The following GOLM2 variants were observed in gnomAD, a reference collection of about 807,000 sequenced individuals.
The protein encoded by GOLM2 is protein GOLM2.
A neutral mutation model predicts 55.9 loss-of-function variants in GOLM2; 26 were observed. The observed-to-expected ratio is 0.47, with a 90% confidence interval of 0.34 to 0.65. The LOEUF is 0.65. Ranked by LOEUF, GOLM2 falls within the 30% of genes least tolerant of loss-of-function variation. The pLI, the probability that GOLM2 is intolerant of heterozygous loss-of-function variation, is 0.01. For missense variants in GOLM2, 486 were observed against 531.8 expected (o/e 0.91, Z 0.85); for synonymous variants, 165 against 194.6 (o/e 0.85, Z 1.27).
intron 6 of GOLM2, among the ~76,000 whole-genome samples, chr15:44,378,272 G>T (rs530967161): frequency 1.1e-4 from 17 of 150,796 alleles, no homozygotes; most frequent in Admixed American, 7.3e-4. Context: ...AGCCAGGTTG[G>T]TTTCGATTTC....
In GOLM2 at chr15:44,338,114, G is replaced by A. The variant is rs922090465; in HGVS notation, c.722-123G>A. The A allele has an allele frequency of 2.2e-5, 22 of 1,010,866 alleles. No individual in the cohort carries two copies. In the African/African-American group the frequency reaches 3.5e-4, roughly 16 times the overall value. 62.6% of individuals were successfully genotyped at this position (1,010,866 alleles called of 1,614,324 possible). On this transcript the variant is annotated intron_variant, in intron 5 of 9. Transcript: ENST00000299957. ...AGAGTTACAGCTATGTCCAAAGCAA[G>A]AGGTAAAGATGTTCAGTTGATGTAG...
intron 8 of GOLM2, among the ~76,000 whole-genome samples, chr15:44,396,153 G>A (rs548030157): frequency 2.0e-5 from 3 of 151,602 alleles, no homozygotes; most frequent in Admixed American, 6.6e-5. Context: ...TCAGGAGTTC[G>A]AGACCAGCCT....
intron 6 of GOLM2, among the ~76,000 whole-genome samples, chr15:44,347,006 C>A (rs1185690607): frequency 6.6e-6 from 1 of 151,952 alleles, no homozygotes; most frequent in African/African-American, 2.4e-5. Flanking sequence ...CACCTGTAGT[C>A]CTAGCTACTT....
intron 8 of GOLM2, among the ~76,000 whole-genome samples, chr15:44,399,670 G>A (rs2079551963): frequency 6.6e-6 from 1 of 152,124 alleles, no homozygotes; most frequent in Non-Finnish European, 1.5e-5. Flanking sequence ...TTAGCCTAAT[G>A]TTTTGAGTCT....
intron 9 of GOLM2, among the ~76,000 whole-genome samples, chr15:44,411,288 C>T (rs2079637143): frequency 6.6e-6 from 1 of 151,952 alleles, no homozygotes; most frequent in Admixed American, 6.6e-5. Flanking sequence ...TCCCAAAGTG[C>T]TGGGATTGCA....
At chr15:44,364,528 T>C (rs1333745069) in intron 6 of GOLM2, among the ~76,000 whole-genome samples, 6 of 150,692 alleles carry the variant, frequency 4.0e-5, no homozygotes, top group Admixed American at 1.3e-4. Context: ...AGCGCAAGAC[T>C]CCATCTCAAA....
intron 9 of GOLM2, chr15:44,409,634 C>G (rs1213734644): frequency 8.5e-5 from 11 of 130,074 alleles, no homozygotes; most frequent in African/African-American, 3.2e-4. Flanking sequence ...AAATGCTGGG[C>G]GCTGTGCCTC....
intron 1 of GOLM2, among the ~76,000 whole-genome samples, chr15:44,312,417 G>T (rs11636363): frequency 0.02 from 2,977 of 151,990 alleles, 46 homozygotes; most frequent in Middle Eastern, 0.065. Context: ...GCTTGACCAA[G>T]AATTGGACTG....
At chr15:44,319,319 C>G (rs2078933529) in intron 1 of GOLM2, among the ~76,000 whole-genome samples, 2 of 152,096 alleles carry the variant, frequency 1.3e-5, no homozygotes, top group South Asian at 2.1e-4. Flanking sequence ...CTCAAGTGAT[C>G]TTCCCACCTC....
chr15:44,294,777 C>T lies in GOLM2; in HGVS notation c.327+5421C>T, dbSNP rs573610201. On this transcript the variant is annotated intron_variant, in intron 1 of 9. Transcript: ENST00000299957. ...AAAATTAACCGGGCATGGTGGGGGG[C>T]GCCTGTAATCCCAGCTACTTGGGAG... 1.2e-3 allele frequency among the ~76,000 whole-genome samples: 173 copies of T among 149,252 alleles called. 2 individuals are homozygous for T. In the South Asian group the frequency reaches 0.036, roughly 31 times the overall value.
rs1226968715 is a variant in GOLM2, at chr15:44,376,190, C to T, written c.803-3500C>T. On this transcript the variant is annotated intron_variant, in intron 6 of 9. Coordinates refer to ENST00000299957, the MANE Select transcript of GOLM2 (RefSeq NM_138423.4). Reference sequence around the variant, plus strand: ...CGGAGGTTGTGGTGAGCCGAGATCGCGCCATTGCACTCCAGCCTGGGCAAC... The same window carrying T: ...CGGAGGTTGTGGTGAGCCGAGATCGTGCCATTGCACTCCAGCCTGGGCAAC... Among the ~76,000 whole-genome samples, 5 of 152,292 alleles carry T rather than the reference C, an allele frequency of 3.3e-5. No homozygotes were observed. In the East Asian group the frequency reaches 7.7e-4, roughly 24 times the overall value.
intron 4 of GOLM2, among the ~76,000 whole-genome samples, chr15:44,332,488 C>T (rs111913135): frequency 0.01 from 1,570 of 150,514 alleles, 25 homozygotes; most frequent in African/African-American, 0.035. Context: ...GCCTGGGAGA[C>T]GGAGGAGGTT....
At chr15:44,400,958 G>T (rs1241011033) in intron 8 of GOLM2, among the ~76,000 whole-genome samples, 1 of 152,122 alleles carries the variant, frequency 6.6e-6, no homozygotes, top group African/African-American at 2.4e-5. Flanking sequence ...CCAACAATTA[G>T]AAATACATTG....
chr15:44,303,137 TAA>T (rs2078811244), intron 1 of GOLM2, among the ~76,000 whole-genome samples: 5 of 150,422 alleles, frequency 3.3e-5, no homozygotes, highest in African/African-American at 1.2e-4. Context: ...AATAAATAAA[TAA>T]ATAGTCTAAA....
intron 6 of GOLM2, among the ~76,000 whole-genome samples, chr15:44,346,867 C>T (rs1428041697): frequency 6.6e-5 from 10 of 152,118 alleles, no homozygotes; most frequent in Non-Finnish European, 1.2e-4. Context: ...TAGTGGCTTA[C>T]GCCTGTAATC....
intron 4 of GOLM2, among the ~76,000 whole-genome samples, chr15:44,332,833 C>A (rs999324052): frequency 2.6e-5 from 4 of 151,944 alleles, no homozygotes; most frequent in Non-Finnish European, 5.9e-5. Flanking sequence ...TTGGGGGGGG[C>A]AAATTCTTTT....
chr15:44,303,234 G>C (rs2078811945), intron 1 of GOLM2, among the ~76,000 whole-genome samples: 1 of 152,066 alleles, frequency 6.6e-6, no homozygotes, highest in South Asian at 2.1e-4. Flanking sequence ...TTAGCAATTT[G>C]TATTGCTTCT....
At chr15:44,315,830 A>C (rs1180339023) in intron 1 of GOLM2, among the ~76,000 whole-genome samples, 3 of 152,244 alleles carry the variant, frequency 2.0e-5, no homozygotes, top group African/African-American at 7.2e-5. Flanking sequence ...GCCTAAAGGC[A>C]ATGACGGCGA....
chr15:44,307,212 C>CTT (rs199591388), intron 1 of GOLM2: 12 of 135,974 alleles, frequency 8.8e-5, no homozygotes, highest in East Asian at 2.1e-4. Context: ...GATACTAATT[C>CTT]TTTTTTTTTT....
Sources: allele counts gnomAD v4.1 joint callset (sites outside exome capture counted in the v4.1 genomes callset), GRCh38; gene constraint gnomAD v4.1.1; transcripts MANE v1.5; gene names NCBI Gene and HGNC (gene_info 2026-07-23, HGNC 2026-07-21).